Variants in DTNBP1 observed in about 807,000 individuals in gnomAD.
The protein encoded by DTNBP1 is dystrobrevin binding protein 1, also known as dysbindin.
DTNBP1 carries 35 observed loss-of-function variants against 42.8 expected under a neutral mutation model. That is an observed-to-expected ratio of 0.82 (90% CI 0.63 to 1.09). DTNBP1 has a LOEUF of 1.09. DTNBP1 is among the 50% of genes least tolerant of loss of function. DTNBP1 has a pLI of 0.00. For synonymous variants in DTNBP1, 171 were observed against 162.2 expected, an observed-to-expected ratio of 1.05 and a Z score of -0.41; for missense variants, 457 against 424.2, an observed-to-expected ratio of 1.08 and a Z score of -0.68.
intron 6 of DTNBP1, chr6:15,595,022 C>T (rs1581373011): frequency 2.3e-6 from 1 of 428,652 alleles, no homozygotes; most frequent in East Asian, 7.1e-5. Context: ...ACTCATCCTG[C>T]TCACCCTGCA....
intron 7 of DTNBP1, among the ~76,000 whole-genome samples, chr6:15,586,836 A>G (rs1386561766): frequency 1.3e-5 from 2 of 152,192 alleles, no homozygotes; most frequent in Non-Finnish European, 2.9e-5. Context: ...CTTCTCCACA[A>G]CAATATGACA....
rs549351060 is a variant in DTNBP1 at position 15,522,906 on chromosome 6, T to C, written c.*69A>G. 4 of 1,613,606 alleles carry C rather than the reference T, an allele frequency of 2.5e-6. No individual in the cohort carries two copies. The African/African-American group carries it at 5.3e-5, about 22-fold the overall frequency. The stretch of plus-strand genomic sequence containing the variant: ...AGAACCTCTATAAAACAACCTGGCT[T>C]TCCAGGTGGAATTCCGCATACAGCC... On this transcript the variant is annotated 3_prime_UTR_variant, in exon 10 of 10. Transcript: ENST00000344537.
chr6:15,564,655 G>T (rs999970760), intron 7 of DTNBP1, among the ~76,000 whole-genome samples: 1 of 152,070 alleles, frequency 6.6e-6, no homozygotes, highest in Non-Finnish European at 1.5e-5. Context: ...TGATCTTTCC[G>T]CCTCAGACTC....
At chr6:15,650,228 A>AT (rs1760909536) in intron 3 of DTNBP1, among the ~76,000 whole-genome samples, 2 of 152,230 alleles carry the variant, frequency 1.3e-5, no homozygotes, top group Non-Finnish European at 2.9e-5. Context: ...CACATTAGTA[A>AT]GCACAGAAAT....
Position 15,606,585 on chromosome 6 carries a change from A to G in DTNBP1, c.488+8682T>C, listed in dbSNP as rs569026411. Among the ~76,000 whole-genome samples, 27 of 152,300 alleles carry G rather than the reference A, an allele frequency of 1.8e-4. No homozygotes were observed. The South Asian group carries it at 2.3e-3, about 13-fold the overall frequency. On this transcript the variant is annotated intron_variant, in intron 6 of 9. Coordinates refer to ENST00000344537, the MANE Select transcript of DTNBP1 (RefSeq NM_032122.5). Reference sequence around the variant, plus strand: ...TGAATGAGAAAAGCCATAGGAGCCTATTGCAGAGCCTATTAGCACTGGAGG... The same window carrying G: ...TGAATGAGAAAAGCCATAGGAGCCTGTTGCAGAGCCTATTAGCACTGGAGG...
At chr6:15,589,141 C>T (rs1455682270) in intron 7 of DTNBP1, among the ~76,000 whole-genome samples, 1 of 152,206 alleles carries the variant, frequency 6.6e-6, no homozygotes, top group African/African-American at 2.4e-5. Flanking sequence ...ATCATCATCC[C>T]TATCTGTAAC....
chr6:15,533,083 G>C (rs1378003534), intron 8 of DTNBP1, among the ~76,000 whole-genome samples, 157 bp downstream of exon 8: 1 of 152,196 alleles, frequency 6.6e-6, no homozygotes, highest in Non-Finnish European at 1.5e-5. Context: ...CAGGGCAAGA[G>C]AGAGGTGGCC....
intron 7 of DTNBP1, among the ~76,000 whole-genome samples, chr6:15,564,140 C>A (rs1393838693): frequency 6.6e-6 from 1 of 151,660 alleles, no homozygotes; most frequent in Admixed American, 6.6e-5. Context: ...CCCATCTCCT[C>A]ATTTAGCGGC....
intron 7 of DTNBP1, among the ~76,000 whole-genome samples, chr6:15,535,087 G>T (rs1028196176): frequency 2.0e-5 from 3 of 150,532 alleles, no homozygotes; most frequent in Non-Finnish European, 4.5e-5. Flanking sequence ...TCAGGGGAGG[G>T]AAGTGATTGG....
At chr6:15,564,599 G>C (rs1232654758) in intron 7 of DTNBP1, among the ~76,000 whole-genome samples, 2 of 148,160 alleles carry the variant, frequency 1.3e-5, no homozygotes, top group Non-Finnish European at 1.5e-5. Context: ...GTAGAGACAG[G>C]GTTTTACCAT....
intron 1 of DTNBP1, among the ~76,000 whole-genome samples, chr6:15,657,080 G>A (rs1761327254): frequency 6.6e-6 from 1 of 152,116 alleles, no homozygotes; most frequent in South Asian, 2.1e-4. Flanking sequence ...AAGTGCAAAT[G>A]GCCTAAGGTA....
intron 6 of DTNBP1, among the ~76,000 whole-genome samples, chr6:15,596,172 A>G (rs1301480452): frequency 1.3e-5 from 2 of 152,198 alleles, no homozygotes; most frequent in African/African-American, 4.8e-5. Flanking sequence ...ATCTGACTCA[A>G]TGGGGTAAGG....
Position 15,522,823 on chromosome 6 carries a change from TTTA to T in DTNBP1, c.*149_*151del, listed in dbSNP as rs1177699979. ...CGCTCTCAGTTTACCGTCCTCACAC[TTTA>T]TTGTTAGCTGTTCTTTAAGTTTCTC... On this transcript the variant is annotated 3_prime_UTR_variant, in exon 10 of 10. Coordinates refer to ENST00000344537, the MANE Select transcript of DTNBP1 (RefSeq NM_032122.5). 13 of 1,380,680 alleles carry T rather than the reference TTTA, an allele frequency of 9.4e-6. No homozygotes were observed. Among genetic ancestry groups the T allele is most frequent in the East Asian group, 2.3e-5 (1 of 43,516 alleles). 85.5% of individuals were successfully genotyped at this position (1,380,680 alleles called of 1,614,324 possible). A position where few individuals can be genotyped will look rare whatever the true frequency, so the allele number is the denominator to read the frequency against.
intron 6 of DTNBP1, 112 bp downstream of exon 6, chr6:15,615,155 T>TA (rs1255431355): frequency 1.3e-6 from 2 of 1,524,154 alleles, no homozygotes; most frequent in African/African-American, 2.8e-5. Context: ...TTATCAGTTT[T>TA]ATGTTGAAAC....
intron 3 of DTNBP1, among the ~76,000 whole-genome samples, chr6:15,649,016 C>G (rs767605950): frequency 6.6e-6 from 1 of 151,890 alleles, no homozygotes; most frequent in African/African-American, 2.4e-5. Context: ...AAATAGCGAG[C>G]GTTGGTGAGG....
intron 7 of DTNBP1, among the ~76,000 whole-genome samples, chr6:15,544,480 T>C (rs1448053816): frequency 1.3e-5 from 2 of 152,274 alleles, no homozygotes; most frequent in African/African-American, 2.4e-5. Context: ...TGAAAGGAAC[T>C]GCCAAACTCT....
intron 5 of DTNBP1, among the ~76,000 whole-genome samples, chr6:15,620,384 C>T (rs993078048): frequency 2.0e-5 from 3 of 152,040 alleles, no homozygotes; most frequent in African/African-American, 7.3e-5. Context: ...AGAGACGAGA[C>T]CTCACTATGA....
At chr6:15,616,497 G>C (rs1295081252) in intron 5 of DTNBP1, among the ~76,000 whole-genome samples, 1 of 152,218 alleles carries the variant, frequency 6.6e-6, no homozygotes, top group Non-Finnish European at 1.5e-5. Flanking sequence ...ACACAGATGA[G>C]GGAAAGCTCA....
intron 7 of DTNBP1, among the ~76,000 whole-genome samples, chr6:15,588,802 C>A (rs1346152189): frequency 6.6e-6 from 1 of 152,248 alleles, no homozygotes; most frequent in African/African-American, 2.4e-5. Flanking sequence ...TACAACTGTT[C>A]TTTCCTCTTC....
Sources: gnomAD v4.1 joint callset for allele counts (sites outside exome capture counted in the v4.1 genomes callset) on GRCh38, gnomAD v4.1.1 for gene constraint, MANE v1.5 for transcripts, NCBI Gene and HGNC (gene_info 2026-07-23, HGNC 2026-07-21) for gene names.